CASK: variants seen among roughly 807,000 people sequenced by gnomAD.
CASK encodes peripheral plasma membrane protein CASK.
Under a neutral mutation model 82.9 loss-of-function variants are expected in CASK, and 4 were observed. The ratio of observed to expected loss-of-function variants is 0.05; its 90% confidence interval spans 0.02 to 0.11. CASK has a LOEUF of 0.11. Among genes scored for constraint, CASK ranks in the 10% least tolerant of loss-of-function variants. The probability of loss-of-function intolerance (pLI) is 1.00; values close to 1 mark genes in which losing one functional copy is unlikely to be tolerated. For synonymous variants in CASK, 259 were observed against 253.5 expected (o/e 1.02, Z -0.20); for missense variants, 358 against 720.9 (o/e 0.50, Z 5.76).
chrX:41,874,272 T>C (rs1328910527), intron 1 of CASK, among the ~76,000 whole-genome samples: 1 of 111,728 alleles, frequency 9.0e-6, no homozygotes, highest in Non-Finnish European at 1.9e-5. Context: ...GTTGCACCTA[T>C]CAACCCATCA....
At chrX:41,631,595 A>G (rs2066467156) in intron 9 of CASK, among the ~76,000 whole-genome samples, 1 of 110,556 alleles carries the variant, frequency 9.0e-6, no homozygotes, top group African/African-American at 3.3e-5. Flanking sequence ...CAGCCTCCCG[A>G]GTAGCTGGGA....
intron 1 of CASK, among the ~76,000 whole-genome samples, chrX:41,869,438 T>C (rs1423631881): frequency 9.0e-6 from 1 of 111,208 alleles, no homozygotes; most frequent in Non-Finnish European, 1.9e-5. Flanking sequence ...CTAAACCTGG[T>C]AGGCAGATGC....
At chrX:41,830,279 T>C (rs1345477466) in intron 2 of CASK, among the ~76,000 whole-genome samples, 1 of 110,721 alleles carries the variant, frequency 9.0e-6, no homozygotes, top group Non-Finnish European at 1.9e-5. Context: ...GAATTAAAGA[T>C]ATGAGCCACT....
At chrX:41,550,832 G>C (rs766882268) in intron 21 of CASK, among the ~76,000 whole-genome samples, 1 of 111,217 alleles carries the variant, frequency 9.0e-6, no homozygotes, top group Non-Finnish European at 1.9e-5. Flanking sequence ...GATTGCTTGG[G>C]TCCAGGAGGT....
At position 41,586,904 on chromosome X, in the gene CASK, T is replaced by C. The variant is rs1255482349; in HGVS notation, c.1314+3A>G. 6.2e-6 allele frequency: 7 copies of C among 1,123,315 alleles called. No homozygotes were observed. Among genetic ancestry groups the C allele is most frequent in the Admixed American group, 4.4e-5 (2 of 45,608 alleles). The allele number at this position is 1,123,315 out of a possible 1,213,427, so 92.6% of individuals were successfully genotyped here. A position where few individuals can be genotyped will look rare whatever the true frequency, so the allele number is the denominator to read the frequency against. On this transcript the variant is annotated splice_donor_region_variant and intron_variant, in intron 14 of 26. Transcript: ENST00000378163. ...GTTCTATGGAAGTTTAATTATTACTTACCATGAAATGAGGTTGTGTTAAAA... is the reference window on the plus strand; with the variant it reads ...GTTCTATGGAAGTTTAATTATTACTCACCATGAAATGAGGTTGTGTTAAAA...
intron 2 of CASK, among the ~76,000 whole-genome samples, chrX:41,794,801 G>GA (rs773751094): frequency 1.8e-5 from 2 of 111,826 alleles, no homozygotes; most frequent in Non-Finnish European, 3.8e-5. Flanking sequence ...ATATGTCAAA[G>GA]AAAAAAAATG....
intron 2 of CASK, among the ~76,000 whole-genome samples, chrX:41,805,094 C>G (rs1364331867): frequency 9.0e-6 from 1 of 111,357 alleles, no homozygotes; most frequent in Non-Finnish European, 1.9e-5. Flanking sequence ...TGTTTTATTT[C>G]TTGGTTAATT....
intron 24 of CASK, 49 bp downstream of exon 24, chrX:41,534,657 A>G (rs1179965623): frequency 1.0e-6 from 1 of 988,493 alleles, no homozygotes; most frequent in Admixed American, 2.2e-5. Flanking sequence ...TATAGAGTTA[A>G]AAAAGTGATA....
chrX:41,695,634 A>G (rs1252537558), intron 5 of CASK: 1 of 1,175,650 alleles, frequency 8.5e-7, no homozygotes, highest in Admixed American at 2.3e-5. Flanking sequence ...ACAGAAGACA[A>G]TGAGAAGTCA....
chrX:41,814,743 TA>T (rs1197341862), intron 2 of CASK, among the ~76,000 whole-genome samples: 357 of 106,042 alleles, frequency 3.4e-3, no homozygotes, highest in Admixed American at 0.01. Flanking sequence ...AGTATAATAA[TA>T]AAAAAAAAGA....
intron 21 of CASK, among the ~76,000 whole-genome samples, chrX:41,551,113 G>A (rs2065091726): frequency 9.0e-6 from 1 of 111,557 alleles, no homozygotes; most frequent in Admixed American, 9.5e-5. Context: ...AAGTTAGTGG[G>A]GGTTAGGATA....
chrX:41,835,999 T>C (rs2070919687), intron 2 of CASK, among the ~76,000 whole-genome samples: 1 of 111,791 alleles, frequency 8.9e-6, no homozygotes, highest in Non-Finnish European at 1.9e-5. Context: ...GTATTTAAAA[T>C]TGACTCTCAT....
intron 8 of CASK, among the ~76,000 whole-genome samples, chrX:41,654,984 A>ATTT (rs763099566): frequency 1.0e-5 from 1 of 97,812 alleles, no homozygotes; most frequent in Non-Finnish European, 2.1e-5. Context: ...GGGACTCAAC[A>ATTT]TTTTTTTTTT....
At chrX:41,672,603 T>G in intron 5 of CASK, among the ~76,000 whole-genome samples, 1 of 112,062 alleles carries the variant, frequency 8.9e-6, no homozygotes, top group Non-Finnish European at 1.9e-5. Flanking sequence ...GCAATCATAC[T>G]GAGCTGGTAC....
intron 12 of CASK, among the ~76,000 whole-genome samples, chrX:41,608,082 C>T (rs1042852220): frequency 8.9e-6 from 1 of 112,167 alleles, no homozygotes; most frequent in Admixed American, 9.5e-5. Flanking sequence ...TAGATACCTA[C>T]GGCTGCATTT....
At chrX:41,765,391 C>T (rs766066172) in intron 3 of CASK, among the ~76,000 whole-genome samples, 1 of 112,083 alleles carries the variant, frequency 8.9e-6, no homozygotes, top group Non-Finnish European at 1.9e-5. Flanking sequence ...AATGACACAA[C>T]ATTTGAGGAA....
intron 11 of CASK, among the ~76,000 whole-genome samples, chrX:41,614,408 A>G (rs898388104): frequency 9.8e-5 from 11 of 112,820 alleles, no homozygotes; most frequent in African/African-American, 2.9e-4. Context: ...TACAGTATGT[A>G]ACCTTTTGGG....
intron 1 of CASK, among the ~76,000 whole-genome samples, chrX:41,893,846 C>A (rs192294557): frequency 1.8e-5 from 2 of 112,291 alleles, no homozygotes; most frequent in South Asian, 7.3e-4. Flanking sequence ...GCAAAGACAG[C>A]CTCTGTAGAA....
intron 7 of CASK, among the ~76,000 whole-genome samples, chrX:41,662,765 C>T (rs1296995472): frequency 9.0e-6 from 1 of 110,600 alleles, no homozygotes; most frequent in African/African-American, 3.3e-5. Context: ...TGCACTCCAG[C>T]CTGGGTGACA....
Sources: gnomAD v4.1 joint callset for allele counts (sites outside exome capture counted in the v4.1 genomes callset) on GRCh38, gnomAD v4.1.1 for gene constraint, MANE v1.5 for transcripts, NCBI Gene and HGNC (gene_info 2026-07-23, HGNC 2026-07-21) for gene names.